The following BRD4 variants were observed in gnomAD, a reference collection of about 807,000 sequenced individuals.
The protein encoded by BRD4 is bromodomain containing 4.
Under a neutral mutation model 142.1 loss-of-function variants are expected in BRD4, and 16 were observed. The observed-to-expected ratio is 0.11, with a 90% CI of 0.08 to 0.17. The LOEUF (loss-of-function observed/expected upper bound fraction) is 0.17, where lower values mean the gene tolerates loss of function less well. BRD4 is among the 10% of genes least tolerant of loss of function. The pLI is 1.00. For synonymous variants in BRD4, 833 were observed against 707.5 expected (o/e 1.18, Z -2.82); for missense variants, 1,424 against 1,810.9 (o/e 0.79, Z 3.88).
rs1599466588 is a variant in BRD4, at chr19:15,266,162, G to A, written c.560-519C>T. On this transcript the variant is annotated intron_variant, in intron 4 of 19. Coordinates refer to ENST00000679869, the MANE Select transcript of BRD4 (RefSeq NM_001379291.1). ...CTGGCTCGAGCGCTGCCTCCCAGCA[G>A]CTGTGCAGGCAGTCCGAACACACAA... Among the ~76,000 whole-genome samples the A allele has an allele frequency of 1.3e-5, 2 of 152,318 alleles. 1 individual carries two copies. The highest frequency in any genetic ancestry group is 4.1e-4 in the South Asian group (2 of 4,828).
At chr19:15,314,158 C>A (rs1039831061) in intron 1 of BRD4, among the ~76,000 whole-genome samples, 3 of 152,206 alleles carry the variant, frequency 2.0e-5, no homozygotes, top group African/African-American at 7.2e-5. Flanking sequence ...ACATTTTCCA[C>A]ACACAAATAT....
chr19:15,311,112 G>A (rs764822237), intron 1 of BRD4, among the ~76,000 whole-genome samples: 24 of 151,856 alleles, frequency 1.6e-4, no homozygotes, highest in African/African-American at 2.4e-4. Flanking sequence ...CCAACATGGC[G>A]AAACCCTGTC....
intron 2 of BRD4, among the ~76,000 whole-genome samples, chr19:15,272,079 A>C (rs891151253): frequency 4.0e-5 from 6 of 151,852 alleles, no homozygotes; most frequent in Admixed American, 3.9e-4. Context: ...AGAAAAAAAA[A>C]CTGAAGCATT....
chr19:15,303,401 G>A (rs975673751), intron 1 of BRD4, among the ~76,000 whole-genome samples: 1 of 152,164 alleles, frequency 6.6e-6, no homozygotes, highest in Middle Eastern at 3.4e-3. Context: ...TTGCCTATGC[G>A]GGGATGGGGC....
chr19:15,321,263 CAAAGAAA>C (rs1036601986), intron 1 of BRD4, among the ~76,000 whole-genome samples: 1 of 148,236 alleles, frequency 6.7e-6, no homozygotes, highest in Non-Finnish European at 1.5e-5. Flanking sequence ...GGAAAGAAAA[CAAAGAAA>C]AAAGAAAAAG....
At chr19:15,276,380 G>A (rs1308414044) in intron 1 of BRD4, among the ~76,000 whole-genome samples, 1 of 149,364 alleles carries the variant, frequency 6.7e-6, no homozygotes, top group Non-Finnish European at 1.5e-5. Flanking sequence ...ACCCCACACT[G>A]CCCCAGGCCC....
Position 15,237,189 on chromosome 19 carries a change from C to CA in BRD4, c.*1187dup, listed in dbSNP as rs1432744021. ...CAAAAACAAAAACAAAAACCAAAAC[C>CA]AAAAAAACCAACTCAACAGATCTGA... On this transcript the variant is annotated 3_prime_UTR_variant, in exon 20 of 20. Transcript: ENST00000679869. 5 of 160,558 alleles carry CA rather than the reference C, an allele frequency of 3.1e-5. No individual in the cohort carries two copies. The highest frequency in any genetic ancestry group is 1.6e-4 in the African/African-American group (5 of 32,238). 9.9% of individuals were successfully genotyped at this position (160,558 alleles called of 1,614,324 possible). A position where few individuals can be genotyped will look rare whatever the true frequency, so the allele number is the denominator to read the frequency against.
intron 1 of BRD4, among the ~76,000 whole-genome samples, chr19:15,326,079 G>C (rs1430129935): frequency 1.4e-5 from 2 of 138,050 alleles, no homozygotes; most frequent in Non-Finnish European, 3.1e-5. Context: ...GCAGAATTAA[G>C]TTATGGTACA....
chr19:15,299,543 G>A (rs2047851103), intron 1 of BRD4, among the ~76,000 whole-genome samples: 1 of 152,264 alleles, frequency 6.6e-6, no homozygotes, highest in South Asian at 2.1e-4. Context: ...GCCAAGCCCA[G>A]CTAAGAAGCT....
In BRD4 at chr19:15,243,004, G is replaced by A. The variant is rs780028668; in HGVS notation, c.3065C>T (p.Pro1022Leu). The A allele has an allele frequency of 1.0e-5, 16 of 1,548,080 alleles. No homozygotes were observed. Among genetic ancestry groups the A allele is most frequent in the Admixed American group, 3.9e-5 (2 of 50,956 alleles). The change falls in exon 14 of 20, where the codon CCG becomes CTG. Residue 1022 changes from proline to leucine, a missense_variant. Physicochemically the swap from Pro to Leu is moderately conservative, Grantham distance 98 (BLOSUM62 -3). Around this residue, in one of 16 missense-constraint regions of BRD4, gnomAD observed 598 missense variants for 647.8 expected, o/e 0.92. Coordinates refer to ENST00000679869, the MANE Select transcript of BRD4 (RefSeq NM_001379291.1). ...PPPQGQQPPH[P>L]PPGQQPPPPQ... ...CGGGGGTGGCTGCTGGCCTGGGGGC[G>A]GATGGGGGGGCTGCTGGCCCTGGGG... is the stretch of plus-strand genomic sequence containing the variant.
chr19:15,322,070 T>C (rs2048066146), intron 1 of BRD4, among the ~76,000 whole-genome samples: 1 of 152,124 alleles, frequency 6.6e-6, no homozygotes. Flanking sequence ...TCAAGTAGCA[T>C]GGAAACCAAT....
rs781618267 is a variant in BRD4 at position 15,264,639 on chromosome 19, C to T, written c.977G>A (p.Arg326Gln). ...GTCCTTCTTTGGAGGTTTCACAGGCCGGCTGCTCTCCCGCCGCTGGCCCAG... is the reference window on the plus strand; with the variant it reads ...GTCCTTCTTTGGAGGTTTCACAGGCTGGCTGCTCTCCCGCCGCTGGCCCAG... ...TKLGQRRESS[R>Q]PVKPPKKDVP... The change falls in exon 6 of 20, where the codon CGG (arginine) becomes CAG (glutamine). Residue 326 changes from arginine to glutamine, a missense_variant. This residue lies in a region of BRD4 where 86 missense variants were observed against 79.9 expected (regional missense o/e 1.08). Coordinates refer to ENST00000679869, the MANE Select transcript of BRD4 (RefSeq NM_001379291.1). 6 of 1,613,752 alleles carry T rather than the reference C, an allele frequency of 3.7e-6. No homozygotes were observed. Among genetic ancestry groups the T allele is most frequent in the Admixed American group, 1.7e-5 (1 of 60,018 alleles).
intron 1 of BRD4, among the ~76,000 whole-genome samples, chr19:15,299,085 C>G (rs1463616672): frequency 6.6e-6 from 1 of 152,166 alleles, no homozygotes; most frequent in African/African-American, 2.4e-5. Flanking sequence ...TGGCTGCCCA[C>G]CGGGGTGGCT....
chr19:15,273,816 CTTTT>C (rs920676613), intron 1 of BRD4, among the ~76,000 whole-genome samples: 5 of 127,376 alleles, frequency 3.9e-5, no homozygotes, highest in African/African-American at 8.5e-5. Flanking sequence ...CTACCATTTT[CTTTT>C]TTTTTTTTTT....
Position 15,238,125 on chromosome 19 carries a change from C to CGT in BRD4, c.*250_*251dup. Reference sequence around the variant, plus strand: ...GGCTTGGGTCCAGCCGGCACTTGCTCGTAACAAGGCGTGTGCTGAGCGGAC... The same window carrying CGT: ...GGCTTGGGTCCAGCCGGCACTTGCTCGTGTAACAAGGCGTGTGCTGAGCGGAC... On this transcript the variant is annotated 3_prime_UTR_variant, in exon 20 of 20. Coordinates refer to ENST00000679869, the MANE Select transcript of BRD4 (RefSeq NM_001379291.1). The surrounding 1 kb of genome is among the most constrained non-coding windows in gnomAD (Gnocchi z 7.2). 1.9e-6 allele frequency: 1 copy of CGT among 531,900 alleles called. No individual in the cohort carries two copies. Among genetic ancestry groups the CGT allele is most frequent in the Non-Finnish European group, 3.3e-6 (1 of 301,542 alleles). 32.9% of individuals were successfully genotyped at this position (531,900 alleles called of 1,614,324 possible).
At chr19:15,283,328 T>G (rs1225308171) in intron 1 of BRD4, among the ~76,000 whole-genome samples, 2 of 152,192 alleles carry the variant, frequency 1.3e-5, no homozygotes, top group African/African-American at 4.8e-5. Context: ...CTGGTGTCAA[T>G]CAGAAAATTT....
chr19:15,300,922 C>T (rs1210022350), intron 1 of BRD4, among the ~76,000 whole-genome samples: 1 of 152,208 alleles, frequency 6.6e-6, no homozygotes, highest in Non-Finnish European at 1.5e-5. Context: ...AGCCATCTCA[C>T]TTGCAGGTCT....
At chr19:15,256,471 C>T (rs2047409930) in intron 8 of BRD4, among the ~76,000 whole-genome samples, 1 of 152,262 alleles carries the variant, frequency 6.6e-6, no homozygotes, top group Non-Finnish European at 1.5e-5. Flanking sequence ...CACCCATTCA[C>T]TCAACTCCAA....
At position 15,254,001 on chromosome 19, in the gene BRD4, G is replaced by C. The variant is rs2047378529; in HGVS notation, c.2158+151C>G. On this transcript the variant is annotated intron_variant, in intron 11 of 19. Transcript: ENST00000679869. ...GCAGGGCTATTCATGGCCCCAGGGA[G>C]ACAGTTAACAAAGAGACAGACAGAC... The C allele has an allele frequency of 4.6e-5, 34 of 731,334 alleles. No individual in the cohort carries two copies. In the South Asian group the frequency reaches 5.4e-4, roughly 12 times the overall value. The allele number at this position is 731,334 out of a possible 1,614,324, so 45.3% of individuals were successfully genotyped here.
Sources: allele counts gnomAD v4.1 joint callset (sites outside exome capture counted in the v4.1 genomes callset), GRCh38; gene constraint gnomAD v4.1.1; regional missense constraint gnomAD v4.1.1; non-coding constraint Gnocchi (gnomAD v3.1); transcripts MANE v1.5; gene names NCBI Gene and HGNC (gene_info 2026-07-23, HGNC 2026-07-21).